Variants in VWC2L observed in about 807,000 individuals in gnomAD.
VWC2L encodes the protein von Willebrand factor C domain containing 2 like.
In VWC2L, 10 loss-of-function variants were observed where a neutral mutation model predicts 21.6. That is an observed-to-expected ratio of 0.46 (90% CI 0.29 to 0.78). The LOEUF is 0.78. Among genes scored for constraint, VWC2L ranks in the 30% least tolerant of loss-of-function variants. VWC2L has a pLI of 0.10. For synonymous variants in VWC2L, 96 were observed against 94.3 expected (o/e 1.02, Z -0.10); for missense variants, 209 against 277.1 (o/e 0.75, Z 1.74).
At chr2:214,522,783 T>C (rs983017388) in intron 3 of VWC2L, among the ~76,000 whole-genome samples, 3 of 152,220 alleles carry the variant, frequency 2.0e-5, no homozygotes, top group Non-Finnish European at 2.9e-5. Flanking sequence ...AGCTATTTTA[T>C]AGAATAAGAA....
rs373053990 is a variant in VWC2L at position 214,452,702 on chromosome 2, T to TA, written c.520+15950dup. On this transcript the variant is annotated intron_variant, in intron 3 of 3. Transcript: ENST00000312504. ...ATGGCTGTACCATTTCAAATTCCCA[T>TA]AAAAAATGGGACTGCCAGTTTCTCC... is the stretch of plus-strand genomic sequence containing the variant. 4.9e-4 allele frequency among the ~76,000 whole-genome samples: 75 copies of TA among 152,248 alleles called. No individual in the cohort carries two copies. The East Asian group carries it at 0.01, about 21-fold the overall frequency.
At chr2:214,490,984 T>C (rs888500872) in intron 3 of VWC2L, among the ~76,000 whole-genome samples, 3 of 152,124 alleles carry the variant, frequency 2.0e-5, no homozygotes, top group East Asian at 3.9e-4. Flanking sequence ...TTCCGGAATA[T>C]GTACATTCAT....
intron 3 of VWC2L, chr2:214,473,676 C>G (rs183185316): frequency 2.7e-5 from 4 of 150,934 alleles, no homozygotes; most frequent in African/African-American, 9.8e-5. Context: ...AGCTAATTTA[C>G]CCAAACCCAG....
chr2:214,568,481 A>C (rs982774972), intron 3 of VWC2L, among the ~76,000 whole-genome samples: 7 of 152,346 alleles, frequency 4.6e-5, no homozygotes, highest in African/African-American at 1.7e-4. Flanking sequence ...AAAAGGAAAG[A>C]GGTTTAATGG....
chr2:214,427,733 A>G (rs751083941), intron 2 of VWC2L, among the ~76,000 whole-genome samples: 1 of 152,314 alleles, frequency 6.6e-6, no homozygotes, highest in Non-Finnish European at 1.5e-5. Flanking sequence ...CATAAAATGG[A>G]TTAGTATTCG....
chr2:214,438,146 C>A (rs538162512), intron 3 of VWC2L, among the ~76,000 whole-genome samples: 1 of 151,972 alleles, frequency 6.6e-6, no homozygotes, highest in South Asian at 2.1e-4. Context: ...CAAGAAAGAA[C>A]AATAAGAGGA....
chr2:214,457,647 A>G (rs931143548), intron 3 of VWC2L, among the ~76,000 whole-genome samples: 1 of 151,972 alleles, frequency 6.6e-6, no homozygotes, highest in Non-Finnish European at 1.5e-5. Context: ...GGGCTTTATT[A>G]TGTTGAGACA....
At chr2:214,471,467 G>A (rs1389993332) in intron 3 of VWC2L, among the ~76,000 whole-genome samples, 1 of 152,136 alleles carries the variant, frequency 6.6e-6, no homozygotes, top group South Asian at 2.1e-4. Context: ...AACATTTTAG[G>A]GGTAGCTATG....
At chr2:214,512,566 TA>T (rs543287501) in intron 3 of VWC2L, among the ~76,000 whole-genome samples, 107 of 144,798 alleles carry the variant, frequency 7.4e-4, no homozygotes, top group East Asian at 2.2e-3. Flanking sequence ...AACTTAAAAG[TA>T]AAAAAAAAAA....
rs570614457 is a variant in VWC2L at position 214,453,940 on chromosome 2, C to T, written c.520+17182C>T. Among the ~76,000 whole-genome samples, 20 of 152,026 alleles carry T rather than the reference C, an allele frequency of 1.3e-4. 3 individuals are homozygous for T. Among genetic ancestry groups the T allele is most frequent in the African/African-American group, 3.9e-4 (16 of 41,486 alleles). ...TTCACTTTGTTGCCCAGGCTGGTCT[C>T]GAACTCCTGAGCTCAGGCAGTCCAC... On this transcript the variant is annotated intron_variant, in intron 3 of 3. Coordinates refer to ENST00000312504, the MANE Select transcript of VWC2L (RefSeq NM_001080500.4).
intron 3 of VWC2L, among the ~76,000 whole-genome samples, chr2:214,552,436 A>G (rs1489031410): frequency 6.6e-6 from 1 of 152,176 alleles, no homozygotes; most frequent in Non-Finnish European, 1.5e-5. Context: ...TTTTATCCCC[A>G]CAATGACATA....
intron 3 of VWC2L, among the ~76,000 whole-genome samples, chr2:214,441,717 T>C (rs1010984637): frequency 6.4e-4 from 98 of 152,116 alleles, no homozygotes; most frequent in African/African-American, 2.3e-3. Flanking sequence ...GATAATTAAA[T>C]ATATAACAGC....
intron 3 of VWC2L, among the ~76,000 whole-genome samples, chr2:214,502,821 T>A (rs1688913292): frequency 6.6e-6 from 1 of 152,240 alleles, no homozygotes; most frequent in Non-Finnish European, 1.5e-5. Flanking sequence ...TGTGTTTTTC[T>A]TCTTCCCTTT....
chr2:214,458,867 T>C (rs1703093574), intron 3 of VWC2L, among the ~76,000 whole-genome samples: 1 of 152,224 alleles, frequency 6.6e-6, no homozygotes, highest in African/African-American at 2.4e-5. Context: ...ATGTTCCATA[T>C]GCAGATGAAA....
At chr2:214,459,406 G>T in intron 3 of VWC2L, among the ~76,000 whole-genome samples, 1 of 152,022 alleles carries the variant, frequency 6.6e-6, no homozygotes, top group East Asian at 1.9e-4. Flanking sequence ...CATTCAAAGT[G>T]GTTATTATTT....
rs116174578 is a variant in VWC2L, at chr2:214,496,344, C to A, written c.520+59586C>A. Among the ~76,000 whole-genome samples the A allele has an allele frequency of 9.4e-3, 1,357 of 144,710 alleles. 12 individuals carry two copies. Among genetic ancestry groups the A allele is most frequent in the Middle Eastern group, 0.025 (7 of 282 alleles). The allele number at this position is 144,710 out of a possible 152,430, so 94.9% of individuals were successfully genotyped here. On this transcript the variant is annotated intron_variant, in intron 3 of 3. Transcript: ENST00000312504. ...AAAGATGCAATAGAATGGCTGCAAGCATATGAAACATCTTCCTCTCCATGA... is the reference window on the plus strand; with the variant it reads ...AAAGATGCAATAGAATGGCTGCAAGAATATGAAACATCTTCCTCTCCATGA...
intron 3 of VWC2L, among the ~76,000 whole-genome samples, chr2:214,442,254 C>T (rs962666769): frequency 4.6e-5 from 7 of 151,740 alleles, no homozygotes; most frequent in East Asian, 1.9e-4. Context: ...TATGTGTATA[C>T]GAAAAAAGTT....
chr2:214,468,172 G>C (rs1254283956), intron 3 of VWC2L, among the ~76,000 whole-genome samples: 1 of 151,832 alleles, frequency 6.6e-6, no homozygotes, highest in Non-Finnish European at 1.5e-5. Context: ...ACTCACCACC[G>C]CACCCGGCTA....
chr2:214,549,909 C>G (rs780508664), intron 3 of VWC2L, among the ~76,000 whole-genome samples: 1 of 152,032 alleles, frequency 6.6e-6, no homozygotes, highest in Non-Finnish European at 1.5e-5. Context: ...AGCCTTGATG[C>G]CCTTTCATTG....
Sources: allele counts gnomAD v4.1 joint callset (sites outside exome capture counted in the v4.1 genomes callset), GRCh38; gene constraint gnomAD v4.1.1; transcripts MANE v1.5; gene names NCBI Gene and HGNC (gene_info 2026-07-23, HGNC 2026-07-21).